The following CNTNAP2 variants were observed in gnomAD, a reference collection of about 807,000 sequenced individuals.
CNTNAP2 encodes the protein contactin associated protein 2.
In CNTNAP2, 98 loss-of-function variants were observed where a neutral mutation model predicts 155.2. The ratio of observed to expected loss-of-function variants is 0.63; its 90% CI spans 0.54 to 0.75. The LOEUF (loss-of-function observed/expected upper bound fraction) is 0.75, where lower values mean the gene tolerates loss of function less well. Among genes scored for constraint, CNTNAP2 ranks in the 30% least tolerant of loss-of-function variants. CNTNAP2 has a pLI of 0.00. For missense variants in CNTNAP2, 1,727 were observed against 1,688.1 expected, an observed-to-expected ratio of 1.02 and a Z score of -0.40; for synonymous variants, 651 against 631.2, an observed-to-expected ratio of 1.03 and a Z score of -0.47.
At chr7:146,328,039 C>T (rs963438673) in intron 1 of CNTNAP2, among the ~76,000 whole-genome samples, 3 of 152,136 alleles carry the variant, frequency 2.0e-5, no homozygotes, top group East Asian at 1.9e-4. Flanking sequence ...GGCCACAGAC[C>T]GGTACTGGTC....
intron 13 of CNTNAP2, among the ~76,000 whole-genome samples, chr7:147,755,984 C>T (rs1441405459): frequency 6.6e-6 from 1 of 152,180 alleles, no homozygotes; most frequent in Non-Finnish European, 1.5e-5. Context: ...TGAAGAGTCG[C>T]TTCACAGTAT....
intron 1 of CNTNAP2, among the ~76,000 whole-genome samples, chr7:146,393,926 A>T (rs1333623460): frequency 6.6e-6 from 1 of 152,154 alleles, no homozygotes; most frequent in African/African-American, 2.4e-5. Flanking sequence ...GTGTAACATA[A>T]ATTTAATATT....
chr7:146,480,765 C>T (rs1796948593), intron 1 of CNTNAP2, among the ~76,000 whole-genome samples: 1 of 148,458 alleles, frequency 6.7e-6, no homozygotes, highest in South Asian at 2.1e-4. Context: ...CTCGGCTCAC[C>T]TCCGCCTCCC....
Position 147,381,729 on chromosome 7 carries a change from A to G in CNTNAP2, c.1499-13880A>G, listed in dbSNP as rs538184713. On this transcript the variant is annotated intron_variant, in intron 9 of 23. Transcript: ENST00000361727. Reference sequence around the variant, plus strand: ...AGTCTGCTTCTCTAATTTCTTTTCAATTTTACGTTCTTGTAAATCTCTTTA... The same window carrying G: ...AGTCTGCTTCTCTAATTTCTTTTCAGTTTTACGTTCTTGTAAATCTCTTTA... Among the ~76,000 whole-genome samples the G allele has an allele frequency of 1.4e-4, 22 of 152,144 alleles. No individual in the cohort carries two copies. The South Asian group carries it at 4.4e-3, about 30-fold the overall frequency.
intron 9 of CNTNAP2, among the ~76,000 whole-genome samples, chr7:147,326,123 A>T: frequency 6.6e-6 from 1 of 152,186 alleles, no homozygotes; most frequent in Middle Eastern, 3.4e-3. Context: ...ATGGGGTTTC[A>T]CCGTGTTAGC....
intron 3 of CNTNAP2, among the ~76,000 whole-genome samples, chr7:146,966,579 T>C (rs991994089): frequency 4.6e-5 from 7 of 152,158 alleles, no homozygotes; most frequent in African/African-American, 1.7e-4. Flanking sequence ...CTATTGAGGG[T>C]TTCATCCCCA....
chr7:146,498,060 T>C (rs1797246571), intron 1 of CNTNAP2, among the ~76,000 whole-genome samples: 1 of 152,198 alleles, frequency 6.6e-6, no homozygotes, highest in Admixed American at 6.5e-5. Context: ...TACAAAGTAA[T>C]AAATGGCATG....
intron 1 of CNTNAP2, among the ~76,000 whole-genome samples, chr7:146,134,048 A>G (rs1483188853): frequency 4.0e-4 from 59 of 147,640 alleles, no homozygotes; most frequent in Non-Finnish European, 3.6e-4. Context: ...ACCCATGAGC[A>G]TGGAATGTTC....
At chr7:147,252,927 T>C (rs1804232801) in intron 8 of CNTNAP2, among the ~76,000 whole-genome samples, 2 of 152,196 alleles carry the variant, frequency 1.3e-5, no homozygotes, top group African/African-American at 4.8e-5. Flanking sequence ...TGGCAGAGGC[T>C]GGATCTGAAC....
chr7:147,674,481 A>G (rs1795837305), intron 13 of CNTNAP2, among the ~76,000 whole-genome samples: 1 of 152,206 alleles, frequency 6.6e-6, no homozygotes, highest in Non-Finnish European at 1.5e-5. Flanking sequence ...TTTTCCTTAT[A>G]AAGAAAGCTC....
At chr7:147,180,348 A>G (rs1802429607) in intron 8 of CNTNAP2, among the ~76,000 whole-genome samples, 2 of 152,162 alleles carry the variant, frequency 1.3e-5, no homozygotes, top group Admixed American at 1.3e-4. Context: ...AATTTTGGAA[A>G]TTACTCTTCC....
chr7:147,222,312 C>T (rs1803419230), intron 8 of CNTNAP2, among the ~76,000 whole-genome samples: 1 of 150,812 alleles, frequency 6.6e-6, no homozygotes, highest in African/African-American at 2.4e-5. Flanking sequence ...TTGGAGGTTT[C>T]TATTGAGATA....
At chr7:147,931,114 A>G in intron 14 of CNTNAP2, among the ~76,000 whole-genome samples, 1 of 152,010 alleles carries the variant, frequency 6.6e-6, no homozygotes, top group Admixed American at 6.6e-5. Context: ...CAACAACCTA[A>G]CATACCTCAA....
At chr7:146,781,241 C>CAA (rs769078111) in intron 2 of CNTNAP2, among the ~76,000 whole-genome samples, 5 of 116,484 alleles carry the variant, frequency 4.3e-5, no homozygotes, top group Non-Finnish European at 9.1e-5. Flanking sequence ...AAAAAAAAAA[C>CAA]AAAAAAAAAA....
chr7:146,244,174 G>A (rs1584822898), intron 1 of CNTNAP2, among the ~76,000 whole-genome samples: 1 of 152,312 alleles, frequency 6.6e-6, no homozygotes, highest in East Asian at 1.9e-4. Flanking sequence ...TGATTAGAGA[G>A]TGCCTAAGGA....
At chr7:148,278,789 G>T (rs1796923957) in intron 21 of CNTNAP2, among the ~76,000 whole-genome samples, 1 of 152,190 alleles carries the variant, frequency 6.6e-6, no homozygotes, top group African/African-American at 2.4e-5. Flanking sequence ...ATGAAGAAAA[G>T]TAAAAGAGGC....
intron 1 of CNTNAP2, among the ~76,000 whole-genome samples, chr7:146,436,736 A>C (rs531237829): frequency 6.6e-6 from 1 of 151,892 alleles, no homozygotes; most frequent in African/African-American, 2.4e-5. Context: ...TATGAAAACA[A>C]TTTATGAAAT....
chr7:146,294,106 A>G (rs1800475380), intron 1 of CNTNAP2, among the ~76,000 whole-genome samples: 1 of 152,176 alleles, frequency 6.6e-6, no homozygotes, highest in South Asian at 2.1e-4. Flanking sequence ...CCTTCTGGCT[A>G]GTGATTAGAG....
In CNTNAP2 at chr7:147,273,622, A is replaced by G. The variant is rs114438092; in HGVS notation, c.1349-26519A>G. On this transcript the variant is annotated intron_variant, in intron 8 of 23. Coordinates refer to ENST00000361727, the MANE Select transcript of CNTNAP2 (RefSeq NM_014141.6). ...AAGAACATGAAGTATTTGATTTTCT[A>G]TTTCTGAGTTATTTGTCTTAGGATA... Among the ~76,000 whole-genome samples the G allele has an allele frequency of 5.7e-3, 859 of 151,612 alleles. 8 individuals are homozygous for G. The highest frequency in any genetic ancestry group is 0.02 in the African/African-American group (817 of 41,382).
Sources: gnomAD v4.1 joint callset for allele counts (sites outside exome capture counted in the v4.1 genomes callset) on GRCh38, gnomAD v4.1.1 for gene constraint, MANE v1.5 for transcripts, NCBI Gene and HGNC (gene_info 2026-07-23, HGNC 2026-07-21) for gene names.